The following WASF2 variants were observed in gnomAD, a reference collection of about 807,000 sequenced individuals.
The protein encoded by WASF2 is WASP family member 2, also known as actin-binding protein WASF2.
Under a neutral mutation model 45.0 loss-of-function variants are expected in WASF2, and 14 were observed. The observed-to-expected ratio is 0.31, with a 90% CI of 0.21 to 0.49. The LOEUF is 0.49. WASF2 is among the 20% of genes least tolerant of loss of function. WASF2 has a pLI of 0.99. For synonymous variants in WASF2, 200 were observed against 236.3 expected (o/e 0.85, Z 1.41); for missense variants, 439 against 636.1 (o/e 0.69, Z 3.33).
At chr1:27,454,181 ATATATATTTTTTTTTT>A (rs1235669050) in intron 1 of WASF2, among the ~76,000 whole-genome samples, 3 of 9,762 alleles carry the variant, frequency 3.1e-4, no homozygotes, top group African/African-American at 6.9e-4. Context: ...ATATATATAT[ATATATATTTTTTTTTT>A]TTTTTTTTTT....
At chr1:27,434,527 GCC>G (rs2017105990) in intron 1 of WASF2, among the ~76,000 whole-genome samples, 1 of 151,984 alleles carries the variant, frequency 6.6e-6, no homozygotes, top group Non-Finnish European at 1.5e-5. Flanking sequence ...CATGAATCAT[GCC>G]CCTTCTCCAG....
chr1:27,446,918 A>G (rs892129460), intron 1 of WASF2, among the ~76,000 whole-genome samples: 2 of 152,076 alleles, frequency 1.3e-5, no homozygotes, highest in African/African-American at 4.8e-5. Context: ...TCTGGTCTCT[A>G]GCCCCTGGAG....
rs1455911472 is a variant in WASF2, at chr1:27,477,703, T to A, written c.-44+12283A>T. ...TCACGAGGTCAGGAGATCGAGACCA[T>A]CCCGGCTAAAACGGTGAAACCCCGT... On this transcript the variant is annotated intron_variant, in intron 1 of 8. Transcript: ENST00000618852. 4.7e-5 allele frequency among the ~76,000 whole-genome samples: 5 copies of A among 106,122 alleles called. 1 individual carries two copies. The highest frequency in any genetic ancestry group is 8.9e-5 in the Non-Finnish European group (5 of 56,288). 69.6% of individuals were successfully genotyped at this position (106,122 alleles called of 152,430 possible). A position where few individuals can be genotyped will look rare whatever the true frequency, so the allele number is the denominator to read the frequency against.
chr1:27,480,771 T>C (rs548401237), intron 1 of WASF2, among the ~76,000 whole-genome samples: 43 of 152,218 alleles, frequency 2.8e-4, no homozygotes, highest in Admixed American at 2.2e-3. Context: ...TCCCAGCACT[T>C]TGGGAGGCCG....
At position 27,409,732 on chromosome 1, in the gene WASF2, C is replaced by A; in HGVS notation, c.1299G>T (p.Val433=). 6.6e-7 allele frequency: 1 copy of A among 1,515,036 alleles called. No individual in the cohort carries two copies. Among genetic ancestry groups the A allele is most frequent in the Non-Finnish European group, 8.8e-7 (1 of 1,133,332 alleles). The allele number at this position is 1,515,036 out of a possible 1,614,324, so 93.8% of individuals were successfully genotyped here. ...AAAGCAGGTCGCTACGGGCATCGCT[C>A]ACGGCAGGCAAGGAGGACTTGGGCT... The part of the protein sequence containing the change: ...TTKPKSSLPA[V]SDARSDLLSA... Residue 433 remains valine, a synonymous_variant, in exon 8 of 9, where the codon GTG becomes GTT. Transcript: ENST00000618852.
At chr1:27,461,221 G>A (rs1252369988) in intron 1 of WASF2, among the ~76,000 whole-genome samples, 2 of 152,066 alleles carry the variant, frequency 1.3e-5, no homozygotes, top group Non-Finnish European at 2.9e-5. Flanking sequence ...GAGAAAAGTT[G>A]CAAGAATATT....
chr1:27,450,902 C>T (rs1438535806), intron 1 of WASF2, among the ~76,000 whole-genome samples: 2 of 151,328 alleles, frequency 1.3e-5, no homozygotes, highest in East Asian at 3.9e-4. Flanking sequence ...ATCTGGCACA[C>T]AAATGACAAC....
At chr1:27,463,098 G>A (rs2017568907) in intron 1 of WASF2, among the ~76,000 whole-genome samples, 2 of 152,166 alleles carry the variant, frequency 1.3e-5, no homozygotes, top group Non-Finnish European at 2.9e-5. Context: ...GGAAGTACAG[G>A]CATGGGCCAC....
intron 8 of WASF2, 74 bp downstream of exon 8, chr1:27,409,618 C>A: frequency 1.4e-6 from 2 of 1,392,864 alleles, no homozygotes; most frequent in Non-Finnish European, 9.4e-7. Flanking sequence ...GACCCCCTCA[C>A]CCATCCCCCA....
chr1:27,475,642 G>A (rs2017756189), intron 1 of WASF2, among the ~76,000 whole-genome samples: 1 of 151,758 alleles, frequency 6.6e-6, no homozygotes, highest in Non-Finnish European at 1.5e-5. Context: ...GTTCTGTTTT[G>A]TTTGAGAGAG....
chr1:27,441,229 A>G (rs970940457), intron 1 of WASF2, among the ~76,000 whole-genome samples: 1 of 152,122 alleles, frequency 6.6e-6, no homozygotes, highest in Non-Finnish European at 1.5e-5. Context: ...GTGGTGGCTC[A>G]TGACTGTACT....
intron 1 of WASF2, among the ~76,000 whole-genome samples, chr1:27,479,742 A>C (rs2148144138): frequency 6.6e-6 from 1 of 152,166 alleles, no homozygotes; most frequent in Non-Finnish European, 1.5e-5. Context: ...GCACATGCCT[A>C]TAATCCTAGT....
intron 1 of WASF2, among the ~76,000 whole-genome samples, chr1:27,487,984 T>TAG (rs760409599): frequency 6.6e-6 from 1 of 151,896 alleles, no homozygotes; most frequent in Non-Finnish European, 1.5e-5. Context: ...TCTATGAAAG[T>TAG]AGAGCCTGGG....
intron 1 of WASF2, among the ~76,000 whole-genome samples, chr1:27,484,309 T>G (rs898602023): frequency 6.6e-6 from 1 of 152,208 alleles, no homozygotes; most frequent in Non-Finnish European, 1.5e-5. Flanking sequence ...GTAGAGGCCC[T>G]TGGCCATTTA....
chr1:27,454,181 A>AT (rs2017432457), intron 1 of WASF2, among the ~76,000 whole-genome samples: 12 of 9,764 alleles, frequency 1.2e-3, no homozygotes, highest in South Asian at 0.014. Context: ...ATATATATAT[A>AT]TATATATTTT....
At chr1:27,470,233 T>C (rs991630708) in intron 1 of WASF2, among the ~76,000 whole-genome samples, 1 of 152,234 alleles carries the variant, frequency 6.6e-6, no homozygotes, top group Non-Finnish European at 1.5e-5. Context: ...GAATCTTAAA[T>C]ATCAGGCTGA....
chr1:27,427,879 G>C (rs967076478), intron 2 of WASF2, among the ~76,000 whole-genome samples: 2 of 152,068 alleles, frequency 1.3e-5, no homozygotes, highest in African/African-American at 2.4e-5. Context: ...ATGGGAGCTG[G>C]AGTGGCACTA....
chr1:27,447,671 T>G (rs913756646), intron 1 of WASF2, among the ~76,000 whole-genome samples: 12 of 152,182 alleles, frequency 7.9e-5, no homozygotes, highest in African/African-American at 2.9e-4. Context: ...CACGAAAGTT[T>G]AGCTGAAGGA....
At chr1:27,464,145 C>T (rs1040090035) in intron 1 of WASF2, among the ~76,000 whole-genome samples, 1 of 151,692 alleles carries the variant, frequency 6.6e-6, no homozygotes, top group African/African-American at 2.4e-5. Flanking sequence ...TTTGGGAGGC[C>T]GAGGCGGGTG....
Sources: allele counts gnomAD v4.1 joint callset (sites outside exome capture counted in the v4.1 genomes callset), GRCh38; gene constraint gnomAD v4.1.1; transcripts MANE v1.5; gene names NCBI Gene and HGNC (gene_info 2026-07-23, HGNC 2026-07-21).